NF1: variants seen among roughly 807,000 people sequenced by gnomAD.
The protein encoded by NF1 is neurofibromin.
In NF1, 122 loss-of-function variants were observed where a neutral mutation model predicts 325.7. The observed-to-expected ratio is 0.37, with a 90% CI of 0.32 to 0.44. The LOEUF (loss-of-function observed/expected upper bound fraction) is 0.44, where lower values mean the gene tolerates loss of function less well. NF1 is among the 20% of genes least tolerant of loss of function. The probability of loss-of-function intolerance (pLI) is 1.00; values close to 1 mark genes in which losing one functional copy is unlikely to be tolerated. For synonymous variants in NF1, 1,091 were observed against 1,186.0 expected, an observed-to-expected ratio of 0.92 and a Z score of 1.65; for missense variants, 2,140 against 3,415.4, an observed-to-expected ratio of 0.63 and a Z score of 9.31.
intron 36 of NF1, among the ~76,000 whole-genome samples, chr17:31,267,507 A>G (rs184610115): frequency 2.0e-5 from 3 of 152,286 alleles, no homozygotes; most frequent in Admixed American, 1.3e-4. Flanking sequence ...TGTGAAGCCT[A>G]GCTCCAAGAC....
At chr17:31,330,639 T>C in intron 39 of NF1, 141 bp downstream of exon 39, 1 of 676,182 alleles carries the variant, frequency 1.5e-6, no homozygotes, top group Non-Finnish European at 2.4e-6. Context: ...ATCTGTGGTA[T>C]CCTGTAACTG....
intron 36 of NF1, among the ~76,000 whole-genome samples, chr17:31,267,485 A>G (rs2067812725): frequency 1.3e-5 from 2 of 151,790 alleles, no homozygotes; most frequent in Admixed American, 1.3e-4. Flanking sequence ...CCTGACCTTC[A>G]TTTTCACCTG....
chr17:31,278,493 CTTTTTTTTTTTTT>C (rs200450821), intron 36 of NF1, among the ~76,000 whole-genome samples: 47 of 15,330 alleles, frequency 3.1e-3, no homozygotes, highest in African/African-American at 7.5e-3. Context: ...GTAATTGAAG[CTTTTTTTTTTTTT>C]TTTTTTTTTT....
intron 1 of NF1, among the ~76,000 whole-genome samples, chr17:31,114,566 A>G (rs1188541386): frequency 6.6e-6 from 1 of 150,916 alleles, no homozygotes; most frequent in Non-Finnish European, 1.5e-5. Context: ...AAAAGAAAAA[A>G]AGACCATGGG....
At chr17:31,232,325 G>C in intron 25 of NF1, 136 bp downstream of exon 25, 2 of 670,154 alleles carry the variant, frequency 3.0e-6, no homozygotes, top group East Asian at 5.4e-5. Flanking sequence ...TTTAAAGAAA[G>C]TAATATGATC....
intron 8 of NF1, among the ~76,000 whole-genome samples, chr17:31,190,876 C>G (rs1290752083): frequency 1.3e-5 from 2 of 152,166 alleles, no homozygotes; most frequent in Admixed American, 1.3e-4. Flanking sequence ...TTTTGCCACA[C>G]TAATAAGGTG....
intron 2 of NF1, among the ~76,000 whole-genome samples, chr17:31,157,065 T>C (rs2065676562): frequency 6.6e-6 from 1 of 152,112 alleles, no homozygotes; most frequent in Non-Finnish European, 1.5e-5. Flanking sequence ...CGGCTTACTG[T>C]AACCTCCCCC....
chr17:31,127,771 G>T, intron 1 of NF1, among the ~76,000 whole-genome samples: 1 of 151,540 alleles, frequency 6.6e-6, no homozygotes. Context: ...AGATTCTTTG[G>T]GGTTATCTAT....
chr17:31,101,993 A>G (rs1282562842), intron 1 of NF1, among the ~76,000 whole-genome samples: 3 of 152,194 alleles, frequency 2.0e-5, no homozygotes, highest in Non-Finnish European at 2.9e-5. Flanking sequence ...AATGTTTTTC[A>G]TATGATTCCT....
In NF1 at chr17:31,376,608, A is replaced by G. The variant is rs1464299305; in HGVS notation, c.*2453A>G. ...CACTATGTGTCCCTTGAGAAATGCA[A>G]CACTTTTTTAGTCTTCATACTTGTA... On this transcript the variant is annotated 3_prime_UTR_variant, in exon 58 of 58. Transcript: ENST00000358273. 2 of 233,008 alleles carry G rather than the reference A, an allele frequency of 8.6e-6. No homozygotes were observed. Among genetic ancestry groups the G allele is most frequent in the Admixed American group, 1.1e-4 (2 of 17,780 alleles). The allele number at this position is 233,008 out of a possible 1,614,324, so 14.4% of individuals were successfully genotyped here. A position where few individuals can be genotyped will look rare whatever the true frequency, so the allele number is the denominator to read the frequency against.
At chr17:31,246,736 G>A (rs1233496582) in intron 29 of NF1, among the ~76,000 whole-genome samples, 1 of 152,138 alleles carries the variant, frequency 6.6e-6, no homozygotes, top group Admixed American at 6.5e-5. Flanking sequence ...GGCATTATTA[G>A]TCCTGTATTA....
intron 1 of NF1, among the ~76,000 whole-genome samples, chr17:31,113,718 A>G (rs1291507653): frequency 6.6e-6 from 1 of 151,478 alleles, no homozygotes; most frequent in Non-Finnish European, 1.5e-5. Context: ...ACAGGGTTTC[A>G]CCATGTTGGC....
At chr17:31,105,015 C>T (rs1912726832) in intron 1 of NF1, among the ~76,000 whole-genome samples, 1 of 152,112 alleles carries the variant, frequency 6.6e-6, no homozygotes, top group Admixed American at 6.5e-5. Context: ...AGTGATCTCC[C>T]ACCTCCCGAA....
intron 16 of NF1, 101 bp from the exon 17 acceptor site, chr17:31,224,994 G>GT: frequency 2.3e-6 from 3 of 1,311,206 alleles, no homozygotes; most frequent in Non-Finnish European, 3.3e-6. Context: ...GAGAGGAGAG[G>GT]TTTTTTAGGA....
At chr17:31,166,821 GC>G (rs2065854730) in intron 4 of NF1, among the ~76,000 whole-genome samples, 1 of 152,038 alleles carries the variant, frequency 6.6e-6, no homozygotes. Context: ...TGGATGTTAA[GC>G]CCCAAGCTCC....
At chr17:31,246,462 A>T (rs1597732302) in intron 29 of NF1, among the ~76,000 whole-genome samples, 1 of 152,384 alleles carries the variant, frequency 6.6e-6, no homozygotes, top group Admixed American at 6.5e-5. Context: ...GTTAATTAAT[A>T]TAGAAACAAA....
chr17:31,107,599 A>T (rs1912979976), intron 1 of NF1, among the ~76,000 whole-genome samples: 1 of 152,030 alleles, frequency 6.6e-6, no homozygotes, highest in African/African-American at 2.4e-5. Context: ...ATAAATAAAT[A>T]AAATAAATAC....
intron 36 of NF1, among the ~76,000 whole-genome samples, chr17:31,315,599 G>C (rs910472248): frequency 6.6e-6 from 1 of 152,114 alleles, no homozygotes; most frequent in African/African-American, 2.4e-5. Flanking sequence ...GTATTGAAAG[G>C]AGTGAGTCCA....
Position 31,302,365 on chromosome 17 carries a change from A to G in NF1, c.4836-23455A>G, listed in dbSNP as rs143581900. 6.8e-3 allele frequency among the ~76,000 whole-genome samples: 1,029 copies of G among 152,252 alleles called. 18 individuals are homozygous for G. Among genetic ancestry groups the G allele is most frequent in the African/African-American group, 0.023 (964 of 41,540 alleles). ...TGGTAAAAAGGGGCAAAAATGTGGA[A>G]CGAGCCCATTAAGTAACTGTCACAA... On this transcript the variant is annotated intron_variant, in intron 36 of 57. Transcript: ENST00000358273.
Sources: gnomAD v4.1 joint callset for allele counts (sites outside exome capture counted in the v4.1 genomes callset) on GRCh38, gnomAD v4.1.1 for gene constraint, MANE v1.5 for transcripts, NCBI Gene and HGNC (gene_info 2026-07-23, HGNC 2026-07-21) for gene names.